The following ABHD3 variants were observed in gnomAD, a reference collection of about 807,000 sequenced individuals.
ABHD3 encodes abhydrolase domain containing 3, phospholipase, also known as phospholipase ABHD3.
Under a neutral mutation model 48.8 loss-of-function variants are expected in ABHD3, and 46 were observed. The observed-to-expected ratio is 0.94, with a 90% CI of 0.74 to 1.20. The LOEUF (loss-of-function observed/expected upper bound fraction) is 1.20, where lower values mean the gene tolerates loss of function less well. Ranked by LOEUF, ABHD3 falls within the 50% of genes most tolerant of loss-of-function variation. The probability of loss-of-function intolerance (pLI) is 0.00; values close to 1 mark genes in which losing one functional copy is unlikely to be tolerated. For missense variants in ABHD3, 490 were observed against 497.8 expected, an observed-to-expected ratio of 0.98 and a Z score of 0.15; for synonymous variants, 192 against 183.7, an observed-to-expected ratio of 1.04 and a Z score of -0.36.
chr18:21,674,319 G>A (rs2039826821), intron 4 of ABHD3, among the ~76,000 whole-genome samples: 3 of 150,266 alleles, frequency 2.0e-5, no homozygotes, highest in African/African-American at 7.4e-5. Context: ...ATGGCTCGCT[G>A]CAGCCTCAAC....
chr18:21,651,855 A>G, intron 8 of ABHD3, 92 bp from the exon 9 acceptor site: 5 of 1,141,438 alleles, frequency 4.4e-6, no homozygotes, highest in Non-Finnish European at 6.0e-6. Context: ...ATATACCTTT[A>G]TCATGTCTAA....
chr18:21,702,777 A>G (rs899009364), intron 2 of ABHD3, among the ~76,000 whole-genome samples: 2 of 152,162 alleles, frequency 1.3e-5, no homozygotes, highest in Non-Finnish European at 2.9e-5. Context: ...CATTACTCCA[A>G]AACATCCAGC....
chr18:21,663,878 C>G (rs923592492), intron 5 of ABHD3: 1 of 1,451,874 alleles, frequency 6.9e-7, no homozygotes, highest in African/African-American at 1.4e-5. Context: ...TCAGACAAAC[C>G]TTCAGGCTCA....
intron 3 of ABHD3, among the ~76,000 whole-genome samples, chr18:21,690,533 C>T (rs913973110): frequency 4.6e-5 from 7 of 151,870 alleles, no homozygotes; most frequent in African/African-American, 1.2e-4. Context: ...ACCCAGGAGG[C>T]GGAGCTTGCA....
Position 21,651,565 on chromosome 18 carries a change from A to T in ABHD3, c.*26T>A. 6.2e-7 allele frequency: 1 copy of T among 1,612,798 alleles called. No individual in the cohort carries two copies. The highest frequency in any genetic ancestry group is 8.5e-7 in the Non-Finnish European group (1 of 1,179,590). ...AGCTGCCTTCACAATTGTGGTTCAG[A>T]CAAAATGCACCCAAAGAACTACATG... On this transcript the variant is annotated 3_prime_UTR_variant, in exon 9 of 9. Coordinates refer to ENST00000289119, the MANE Select transcript of ABHD3 (RefSeq NM_138340.5).
intron 4 of ABHD3, among the ~76,000 whole-genome samples, chr18:21,665,273 G>A (rs1167025183): frequency 2.0e-5 from 3 of 151,582 alleles, no homozygotes; most frequent in African/African-American, 4.8e-5. Context: ...ACATGGTCCT[G>A]CTCTGTTTCT....
intron 4 of ABHD3, among the ~76,000 whole-genome samples, chr18:21,677,986 G>T (rs1035856419): frequency 6.7e-5 from 10 of 148,900 alleles, no homozygotes; most frequent in African/African-American, 2.5e-4. Context: ...TAGAGACAGG[G>T]TCTCTGTTGC....
intron 3 of ABHD3, among the ~76,000 whole-genome samples, chr18:21,684,579 T>G (rs1023467693): frequency 1.3e-5 from 2 of 152,102 alleles, no homozygotes; most frequent in African/African-American, 4.8e-5. Context: ...CACCTCGGCC[T>G]CCCAAAGTGC....
At chr18:21,702,022 G>T in intron 3 of ABHD3, 1 of 224,684 alleles carries the variant, frequency 4.5e-6, no homozygotes, top group Non-Finnish European at 8.9e-6. Flanking sequence ...CTCTCCATTG[G>T]GGTGGGGATG....
Position 21,659,357 on chromosome 18 carries a change from A to G in ABHD3, c.669-14T>C, listed in dbSNP as rs199632860. ...AGAAGCAGCATTCTAAAATGGGGAGAAACAGGAAACTCAGTGATTAATTTG... is the reference window on the plus strand; with the variant it reads ...AGAAGCAGCATTCTAAAATGGGGAGGAACAGGAAACTCAGTGATTAATTTG... On this transcript the variant is annotated splice_polypyrimidine_tract_variant and intron_variant, in intron 5 of 8. Transcript: ENST00000289119. 6.3e-7 allele frequency: 1 copy of G among 1,599,102 alleles called. No individual in the cohort carries two copies. Among genetic ancestry groups the G allele is most frequent in the East Asian group, 2.2e-5 (1 of 44,610 alleles).
intron 4 of ABHD3, chr18:21,683,465 T>C (rs1049091505): frequency 6.5e-6 from 3 of 458,520 alleles, no homozygotes; most frequent in East Asian, 7.0e-5. Flanking sequence ...AATCACTGTA[T>C]TAGTTAATTT....
chr18:21,690,121 T>TA (rs1159469552), intron 3 of ABHD3, among the ~76,000 whole-genome samples: 32 of 146,368 alleles, frequency 2.2e-4, no homozygotes, highest in Non-Finnish European at 3.2e-4. Context: ...TGTAAAGAAT[T>TA]TAAAAAAAAA....
At chr18:21,658,819 T>C (rs1318818923) in intron 6 of ABHD3, among the ~76,000 whole-genome samples, 16 of 152,008 alleles carry the variant, frequency 1.1e-4, no homozygotes, top group African/African-American at 3.4e-4. Context: ...TTGGGGCATG[T>C]AATCATTTGG....
intron 4 of ABHD3, among the ~76,000 whole-genome samples, chr18:21,668,217 A>AAAAAAAAAAAAAAAAAAAAAG (rs1370034550): frequency 1.5e-5 from 2 of 137,562 alleles, no homozygotes; most frequent in Non-Finnish European, 3.1e-5. Context: ...AAAAAAAAAA[A>AAAAAAAAAAAAAAAAAAAAAG]AAAGAAAGAA....
intron 4 of ABHD3, among the ~76,000 whole-genome samples, chr18:21,667,233 C>G (rs1306101841): frequency 6.9e-6 from 1 of 144,052 alleles, no homozygotes; most frequent in Admixed American, 7.0e-5. Flanking sequence ...ACCACCACAC[C>G]CTTTTTTTTT....
chr18:21,653,077 A>AAAAAAAAAAAAAAG lies in ABHD3; in HGVS notation c.1058-1315_1058-1314insCTTTTTTTTTTTTT, dbSNP rs772523934. ...CAAAAAAAAAAAAAAAAAAAAAAAA[A>AAAAAAAAAAAAAAG]AAAGAGCTGGGTGTGGTGGCTCACG... is the stretch of plus-strand genomic sequence containing the variant. On this transcript the variant is annotated intron_variant, in intron 8 of 8. Coordinates refer to ENST00000289119, the MANE Select transcript of ABHD3 (RefSeq NM_138340.5). Among the ~76,000 whole-genome samples, 17 of 76,152 alleles carry AAAAAAAAAAAAAAG rather than the reference A, an allele frequency of 2.2e-4. 4 individuals are homozygous for AAAAAAAAAAAAAAG. The highest frequency in any genetic ancestry group is 2.9e-4 in the Non-Finnish European group (13 of 44,158). 50.0% of individuals were successfully genotyped at this position (76,152 alleles called of 152,430 possible).
At chr18:21,697,261 GA>G (rs1399139132) in intron 3 of ABHD3, among the ~76,000 whole-genome samples, 3 of 151,968 alleles carry the variant, frequency 2.0e-5, no homozygotes, top group Non-Finnish European at 4.4e-5. Flanking sequence ...TTTTAGTAGA[GA>G]GGGGGTGTCA....
intron 5 of ABHD3, among the ~76,000 whole-genome samples, chr18:21,663,193 T>A (rs1230342338): frequency 1.3e-5 from 2 of 152,122 alleles, no homozygotes; most frequent in African/African-American, 4.8e-5. Flanking sequence ...ATTATCTTTT[T>A]AAAAAAATTA....
At chr18:21,704,433 A>G in intron 1 of ABHD3, 71 bp downstream of exon 1, 2 of 1,248,490 alleles carry the variant, frequency 1.6e-6, no homozygotes, top group South Asian at 6.8e-5. Context: ...CTGGCCGCGC[A>G]GCCTCGCGCC....
Sources: allele counts gnomAD v4.1 joint callset (sites outside exome capture counted in the v4.1 genomes callset), GRCh38; gene constraint gnomAD v4.1.1; transcripts MANE v1.5; gene names NCBI Gene and HGNC (gene_info 2026-07-23, HGNC 2026-07-21).